Variants in LRBA observed in about 807,000 individuals in gnomAD.
LRBA encodes the protein LPS responsive beige-like anchor protein.
Under a neutral mutation model 330.0 loss-of-function variants are expected in LRBA, and 176 were observed. That is an observed-to-expected ratio of 0.53 (90% CI 0.47 to 0.60). The LOEUF is 0.60. Ranked by LOEUF, LRBA falls within the 20% of genes least tolerant of loss-of-function variation. The pLI is 0.00. For synonymous variants in LRBA, 1,230 were observed against 1,193.0 expected (o/e 1.03, Z -0.64); for missense variants, 3,259 against 3,444.8 (o/e 0.95, Z 1.35).
At chr4:150,845,410 TA>T (rs1749713779) in intron 26 of LRBA, among the ~76,000 whole-genome samples, 3 of 152,196 alleles carry the variant, frequency 2.0e-5, no homozygotes, top group Admixed American at 6.5e-5. Context: ...ATATACAGTC[TA>T]AAATTACCTA....
intron 37 of LRBA, among the ~76,000 whole-genome samples, chr4:150,677,331 T>C (rs1782643898): frequency 6.6e-6 from 1 of 152,154 alleles, no homozygotes; most frequent in South Asian, 2.1e-4. Flanking sequence ...CAAGAAAAAC[T>C]GGAGACTTGA....
intron 54 of LRBA, 103 bp from the exon 55 acceptor site, chr4:150,282,749 A>T (rs1310934417): frequency 1.3e-6 from 1 of 785,770 alleles, no homozygotes; most frequent in Non-Finnish European, 2.0e-6. Context: ...ACCACACTAT[A>T]GATGTAGAAA....
chr4:150,706,535 T>C (rs1210294323), intron 36 of LRBA, among the ~76,000 whole-genome samples: 2 of 151,478 alleles, frequency 1.3e-5, no homozygotes, highest in East Asian at 1.9e-4. Context: ...AATCTATGTG[T>C]TTCTACCCTT....
chr4:150,973,848 G>T (rs951757712), intron 2 of LRBA, among the ~76,000 whole-genome samples: 1 of 152,114 alleles, frequency 6.6e-6, no homozygotes, highest in African/African-American at 2.4e-5. Flanking sequence ...AAAAGCAAAA[G>T]AAACTTGAGC....
At chr4:150,460,758 G>T (rs777691639) in intron 44 of LRBA, among the ~76,000 whole-genome samples, 3 of 151,690 alleles carry the variant, frequency 2.0e-5, no homozygotes, top group Admixed American at 1.3e-4. Context: ...ATCTAAAGAT[G>T]AAAAACAGAT....
chr4:150,546,491 G>T (rs151021692), intron 40 of LRBA, among the ~76,000 whole-genome samples: 2,344 of 152,254 alleles, frequency 0.015, 132 homozygotes, highest in Admixed American at 0.057. Context: ...ATTGCACAAG[G>T]TTTGTTAGCA....
At chr4:150,908,948 C>G (rs1033480022) in intron 9 of LRBA, 91 bp from the exon 10 acceptor site, 31 of 787,164 alleles carry the variant, frequency 3.9e-5, no homozygotes, top group Middle Eastern at 5.0e-4. Context: ...GGAGACAGAC[C>G]ATTGATAATC....
At chr4:150,866,390 G>C (rs1323964461) in intron 22 of LRBA, among the ~76,000 whole-genome samples, 1 of 152,122 alleles carries the variant, frequency 6.6e-6, no homozygotes, top group Non-Finnish European at 1.5e-5. Flanking sequence ...ACTACATAAA[G>C]AACTCCCACA....
chr4:150,758,986 C>T (rs755857662), intron 35 of LRBA, among the ~76,000 whole-genome samples: 2 of 152,184 alleles, frequency 1.3e-5, no homozygotes, highest in Non-Finnish European at 2.9e-5. Flanking sequence ...ATGATCACAG[C>T]TCATTGCAGC....
At chr4:150,542,631 A>T (rs1765432944) in intron 40 of LRBA, among the ~76,000 whole-genome samples, 1 of 152,208 alleles carries the variant, frequency 6.6e-6, no homozygotes, top group Non-Finnish European at 1.5e-5. Context: ...TCTGCAGCTA[A>T]CGAGAAGAAA....
rs983261024 is a variant in LRBA at position 150,852,207 on chromosome 4, T to C, written c.3503A>G (p.Asp1168Gly). 1.2e-6 allele frequency: 2 copies of C among 1,614,030 alleles called. No homozygotes were observed. The highest frequency in any genetic ancestry group is 2.2e-5 in the East Asian group (1 of 44,896). The change falls in exon 23 of 57, where the codon GAT (aspartate) becomes GGT (glycine). Residue 1168 changes from aspartate (D) to glycine (G), a missense_variant. By Grantham distance (94) the Asp-to-Gly change is moderately conservative (BLOSUM62 -1). Transcript: ENST00000651943. ...EGKPVTEKQT[D>G]TETQDSKDSG... ...ATCTTTAGAATCTTGAGTTTCAGTA[T>C]CAGTTTGCTTTTCAGTAACAGGTTT...
rs940762494 is a variant in LRBA, at chr4:150,840,106, T to G, written c.4569+3994A>C. 4.6e-5 allele frequency among the ~76,000 whole-genome samples: 7 copies of G among 152,328 alleles called. No individual in the cohort carries two copies. In the East Asian group the frequency reaches 5.8e-4, roughly 13 times the overall value. On this transcript the variant is annotated intron_variant, in intron 28 of 56. Coordinates refer to ENST00000651943, the MANE Select transcript of LRBA (RefSeq NM_001364905.1). ...TCGGCCTTTACAGAATTGAAGAGCGTTGGAGCCTTATCTGAAATAGGCTTT... is the reference window on the plus strand; with the variant it reads ...TCGGCCTTTACAGAATTGAAGAGCGGTGGAGCCTTATCTGAAATAGGCTTT...
At chr4:150,791,243 C>T (rs1474832157) in intron 34 of LRBA, among the ~76,000 whole-genome samples, 1 of 152,142 alleles carries the variant, frequency 6.6e-6, no homozygotes, top group African/African-American at 2.4e-5. Flanking sequence ...AACCACCACA[C>T]TGGGCAGAAC....
At chr4:150,695,582 T>C (rs959188336) in intron 36 of LRBA, among the ~76,000 whole-genome samples, 3 of 152,116 alleles carry the variant, frequency 2.0e-5, no homozygotes, top group African/African-American at 7.2e-5. Flanking sequence ...CCTCCCAAAG[T>C]GCTTGGATTA....
intron 37 of LRBA, among the ~76,000 whole-genome samples, chr4:150,601,692 C>T (rs1397347823): frequency 1.3e-5 from 2 of 151,720 alleles, no homozygotes; most frequent in Non-Finnish European, 2.9e-5. Context: ...TATATTCTAT[C>T]AATTTTTTTT....
At chr4:150,558,764 T>C (rs1767664510) in intron 40 of LRBA, among the ~76,000 whole-genome samples, 1 of 152,228 alleles carries the variant, frequency 6.6e-6, no homozygotes, top group South Asian at 2.1e-4. Flanking sequence ...TACACACCTA[T>C]TCTTTATTTT....
intron 37 of LRBA, chr4:150,679,569 A>G (rs1204054033): frequency 1.3e-5 from 2 of 152,180 alleles, no homozygotes; most frequent in Non-Finnish European, 2.9e-5. Flanking sequence ...AATTGGAGAG[A>G]GCATCACAAA....
intron 28 of LRBA, among the ~76,000 whole-genome samples, chr4:150,834,242 T>C (rs575709602): frequency 6.6e-6 from 1 of 152,324 alleles, no homozygotes; most frequent in African/African-American, 2.4e-5. Context: ...TCATGGTATC[T>C]ACAATAGTGA....
At chr4:150,657,795 T>G (rs1780362640) in intron 37 of LRBA, among the ~76,000 whole-genome samples, 1 of 152,180 alleles carries the variant, frequency 6.6e-6, no homozygotes, top group African/African-American at 2.4e-5. Context: ...ACACTACTCT[T>G]AAGTGTTTAA....
Sources: gnomAD v4.1 joint callset for allele counts (sites outside exome capture counted in the v4.1 genomes callset) on GRCh38, gnomAD v4.1.1 for gene constraint, MANE v1.5 for transcripts, NCBI Gene and HGNC (gene_info 2026-07-23, HGNC 2026-07-21) for gene names.